FRMD4A: variants seen among roughly 807,000 people sequenced by gnomAD.
FRMD4A encodes FERM domain containing 4A, also known as FERM domain-containing protein 4A.
In FRMD4A, 29 loss-of-function variants were observed where a neutral mutation model predicts 129.1. That is an observed-to-expected ratio of 0.22 (90% confidence interval 0.17 to 0.31). The LOEUF is 0.31. Among genes scored for constraint, FRMD4A ranks in the 10% least tolerant of loss-of-function variants. The probability of loss-of-function intolerance (pLI) is 1.00; values close to 1 mark genes in which losing one functional copy is unlikely to be tolerated. For missense variants in FRMD4A, 1,272 were observed against 1,375.8 expected (o/e 0.92, Z 1.19); for synonymous variants, 634 against 571.6 (o/e 1.11, Z -1.56).
intron 2 of FRMD4A, chr10:13,871,065 C>G (rs1389833352): frequency 6.3e-6 from 1 of 158,964 alleles, no homozygotes; most frequent in Non-Finnish European, 1.4e-5. Flanking sequence ...CAGCCAAATG[C>G]CAATGAAGAC....
chr10:13,673,756 C>T (rs1481974212), intron 16 of FRMD4A, among the ~76,000 whole-genome samples: 3 of 145,852 alleles, frequency 2.1e-5, no homozygotes, highest in East Asian at 2.0e-4. Flanking sequence ...TACATAGGGT[C>T]GAGAAAGCAT....
intron 2 of FRMD4A, among the ~76,000 whole-genome samples, chr10:14,157,661 T>C (rs561324427): frequency 6.6e-6 from 1 of 152,316 alleles, no homozygotes; most frequent in Admixed American, 6.5e-5. Flanking sequence ...GGTCTTAGCA[T>C]CTTGCACTCA....
intron 16 of FRMD4A, among the ~76,000 whole-genome samples, chr10:13,674,474 C>T (rs2083796577): frequency 1.3e-5 from 2 of 152,144 alleles, no homozygotes; most frequent in African/African-American, 4.8e-5. Context: ...CTTCATCAAC[C>T]AATTCTTTGA....
chr10:13,853,829 CA>C lies in FRMD4A; in HGVS notation c.111+5017del, dbSNP rs745585369. ...CCTGGGCGATAGAGCAAGACTCTCT[CA>C]AAAAAAAAAAAAAAAAAAAAAAACC... On this transcript the variant is annotated intron_variant, in intron 3 of 24. Transcript: ENST00000357447. 9.3e-3 allele frequency among the ~76,000 whole-genome samples: 836 copies of C among 89,788 alleles called. 2 individuals carry two copies. Among genetic ancestry groups the C allele is most frequent in the Middle Eastern group, 0.014 (2 of 138 alleles). The allele number at this position is 89,788 out of a possible 152,430, so 58.9% of individuals were successfully genotyped here.
intron 2 of FRMD4A, among the ~76,000 whole-genome samples, chr10:14,147,081 A>G (rs927984884): frequency 6.6e-6 from 1 of 152,224 alleles, no homozygotes; most frequent in South Asian, 2.1e-4. Context: ...AGGTAGGTTC[A>G]TTGAAAGATG....
chr10:13,703,023 T>C (rs1419057987), intron 13 of FRMD4A, among the ~76,000 whole-genome samples: 2 of 152,000 alleles, frequency 1.3e-5, no homozygotes, highest in East Asian at 1.9e-4. Flanking sequence ...TCTCTCTAAA[T>C]TTAAAAGAAA....
At chr10:13,838,555 C>T (rs1009480195) in intron 3 of FRMD4A, among the ~76,000 whole-genome samples, 1 of 151,842 alleles carries the variant, frequency 6.6e-6, no homozygotes, top group Admixed American at 6.6e-5. Flanking sequence ...TGTAGTGGCA[C>T]GATCTTGCCC....
At chr10:13,850,224 C>G (rs1250462802) in intron 3 of FRMD4A, among the ~76,000 whole-genome samples, 1 of 152,046 alleles carries the variant, frequency 6.6e-6, no homozygotes, top group Non-Finnish European at 1.5e-5. Flanking sequence ...AAAAGAGAAC[C>G]AAGTTTATTC....
At chr10:14,046,866 T>C (rs1481180574) in intron 2 of FRMD4A, among the ~76,000 whole-genome samples, 1 of 152,150 alleles carries the variant, frequency 6.6e-6, no homozygotes, top group Non-Finnish European at 1.5e-5. Flanking sequence ...TCCCATCCAG[T>C]GCTAACTCCC....
intron 2 of FRMD4A, among the ~76,000 whole-genome samples, chr10:14,024,612 G>A (rs1832907122): frequency 1.3e-5 from 2 of 152,178 alleles, no homozygotes. Flanking sequence ...ACTGTACAAG[G>A]ATATTTTGAA....
At chr10:14,152,705 T>G (rs1409798855) in intron 2 of FRMD4A, among the ~76,000 whole-genome samples, 1 of 151,932 alleles carries the variant, frequency 6.6e-6, no homozygotes, top group African/African-American at 2.4e-5. Context: ...CTGGGCATGG[T>G]GGTATGTGTC....
intron 2 of FRMD4A, among the ~76,000 whole-genome samples, chr10:14,039,467 T>TATATTGGAACCCCAAA (rs1565204786): frequency 3.4e-4 from 22 of 64,886 alleles, no homozygotes; most frequent in African/African-American, 1.2e-3. Flanking sequence ...TCTATCTATC[T>TATATTGGAACCCCAAA]ATCTATCTAT....
At chr10:13,802,664 G>C (rs758600235) in intron 4 of FRMD4A, among the ~76,000 whole-genome samples, 2 of 152,054 alleles carry the variant, frequency 1.3e-5, no homozygotes, top group East Asian at 3.9e-4. Context: ...GGTAGAGACA[G>C]TGTCTCGCTT....
intron 12 of FRMD4A, among the ~76,000 whole-genome samples, chr10:13,726,701 A>C (rs1254026551): frequency 6.6e-6 from 1 of 152,020 alleles, no homozygotes; most frequent in Non-Finnish European, 1.5e-5. Context: ...TAGTGGTGTG[A>C]TCTTGGCTCA....
At chr10:14,168,022 G>A (rs946306422) in intron 2 of FRMD4A, among the ~76,000 whole-genome samples, 17 of 152,152 alleles carry the variant, frequency 1.1e-4, no homozygotes, top group African/African-American at 3.6e-4. Flanking sequence ...CTGGAAGAGA[G>A]GACCAAGACT....
intron 15 of FRMD4A, among the ~76,000 whole-genome samples, chr10:13,683,410 C>A (rs1396526764): frequency 6.6e-6 from 1 of 150,802 alleles, no homozygotes; most frequent in Non-Finnish European, 1.5e-5. Context: ...CACAGCGAGA[C>A]CCTATCTGTA....
At chr10:13,962,339 AG>A (rs1186237542) in intron 2 of FRMD4A, among the ~76,000 whole-genome samples, 2 of 152,202 alleles carry the variant, frequency 1.3e-5, no homozygotes, top group Admixed American at 1.3e-4. Flanking sequence ...CTTGCCCCCC[AG>A]GGGTATTGAG....
chr10:13,950,000 A>G (rs577258491), intron 2 of FRMD4A, among the ~76,000 whole-genome samples: 3 of 152,366 alleles, frequency 2.0e-5, no homozygotes, highest in Admixed American at 2.0e-4. Context: ...AGATCACAAC[A>G]TCTCAGAAAA....
intron 2 of FRMD4A, among the ~76,000 whole-genome samples, chr10:14,143,573 G>A (rs894238484): frequency 1.3e-5 from 2 of 152,202 alleles, no homozygotes; most frequent in African/African-American, 4.8e-5. Context: ...TAATGCCACT[G>A]AATTATGCAC....
Sources: gnomAD v4.1 joint callset for allele counts (sites outside exome capture counted in the v4.1 genomes callset) on GRCh38, gnomAD v4.1.1 for gene constraint, MANE v1.5 for transcripts, NCBI Gene and HGNC (gene_info 2026-07-23, HGNC 2026-07-21) for gene names.